The following TLL1 variants were observed in gnomAD, a reference collection of about 807,000 sequenced individuals.
TLL1 encodes tolloid like 1.
TLL1 carries 49 observed loss-of-function variants against 128.2 expected under a neutral mutation model. The observed-to-expected ratio is 0.38, with a 90% confidence interval of 0.30 to 0.48. The LOEUF is 0.48. TLL1 is among the 20% of genes least tolerant of loss of function. TLL1 has a pLI of 0.96. For synonymous variants in TLL1, 454 were observed against 418.8 expected, an observed-to-expected ratio of 1.08 and a Z score of -1.03; for missense variants, 1,123 against 1,242.0, an observed-to-expected ratio of 0.90 and a Z score of 1.44.
At chr4:165,878,348 C>T (rs1212132590) in intron 1 of TLL1, among the ~76,000 whole-genome samples, 1 of 151,700 alleles carries the variant, frequency 6.6e-6, no homozygotes, top group Non-Finnish European at 1.5e-5. Flanking sequence ...TTTTAGTTTT[C>T]GTTTCCTCAG....
At chr4:165,978,163 T>A (rs1038892894) in intron 1 of TLL1, among the ~76,000 whole-genome samples, 4 of 152,170 alleles carry the variant, frequency 2.6e-5, no homozygotes, top group Admixed American at 1.3e-4. Flanking sequence ...ACTCAGATTC[T>A]GCCTCAACCC....
intron 1 of TLL1, among the ~76,000 whole-genome samples, chr4:165,925,434 T>G (rs72697344): frequency 0.11 from 16,468 of 152,182 alleles, 989 homozygotes; most frequent in East Asian, 0.17. Flanking sequence ...TGGAAATAGT[T>G]AGAGAACTAG....
At chr4:165,907,954 G>A (rs1358486381) in intron 1 of TLL1, among the ~76,000 whole-genome samples, 10 of 152,152 alleles carry the variant, frequency 6.6e-5, no homozygotes, top group Non-Finnish European at 1.0e-4. Context: ...AACAAACACT[G>A]CTATAGGCCT....
chr4:166,098,531 T>C (rs1321971264), intron 19 of TLL1, among the ~76,000 whole-genome samples: 4 of 152,108 alleles, frequency 2.6e-5, no homozygotes, highest in African/African-American at 9.7e-5. Flanking sequence ...TTAATTTATC[T>C]TTTTTAAAGG....
intron 18 of TLL1, among the ~76,000 whole-genome samples, chr4:166,090,617 T>C (rs1741720938): frequency 6.6e-6 from 1 of 152,056 alleles, no homozygotes; most frequent in African/African-American, 2.4e-5. Flanking sequence ...AATAAACAAA[T>C]ATATAGTGAA....
At chr4:166,089,773 T>G (rs1235551951) in intron 18 of TLL1, among the ~76,000 whole-genome samples, 1 of 152,182 alleles carries the variant, frequency 6.6e-6, no homozygotes, top group African/African-American at 2.4e-5. Flanking sequence ...TTATAATTTT[T>G]TTTATTTCTA....
chr4:165,900,023 G>T (rs1338351397), intron 1 of TLL1, among the ~76,000 whole-genome samples: 1 of 151,330 alleles, frequency 6.6e-6, no homozygotes, highest in Non-Finnish European at 1.5e-5. Context: ...TGTTTTATCA[G>T]GGACTAGGAT....
intron 1 of TLL1, among the ~76,000 whole-genome samples, chr4:165,901,786 A>G (rs1477621347): frequency 6.6e-6 from 1 of 152,188 alleles, no homozygotes; most frequent in African/African-American, 2.4e-5. Flanking sequence ...TGGGAGATCC[A>G]TGGCTCTCTT....
intron 5 of TLL1, among the ~76,000 whole-genome samples, chr4:165,996,592 C>A (rs1736887532): frequency 7.6e-6 from 1 of 131,926 alleles, no homozygotes; most frequent in Non-Finnish European, 1.6e-5. Flanking sequence ...GAGGAAGACT[C>A]CATCTCAAAA....
Position 165,953,261 on chromosome 4 carries a change from T to C in TLL1, c.170-36120T>C, listed in dbSNP as rs1356267890. The stretch of plus-strand genomic sequence containing the variant: ...GTATATAGTATTTGTCCTTTGGTAT[T>C]TATTGTTGTTGTTCGGGTTGTTGCC... On this transcript the variant is annotated intron_variant, in intron 1 of 20. Transcript: ENST00000061240. Among the ~76,000 whole-genome samples the C allele has an allele frequency of 7.2e-5, 11 of 152,108 alleles. No homozygotes were observed. The South Asian group carries it at 2.3e-3, about 32-fold the overall frequency.
At chr4:166,063,148 AAATC>A (rs1455946144) in intron 15 of TLL1, among the ~76,000 whole-genome samples, 17 of 152,200 alleles carry the variant, frequency 1.1e-4, no homozygotes, top group Non-Finnish European at 2.9e-5. Flanking sequence ...TTACAAGAAA[AAATC>A]AAACAACCCC....
chr4:165,948,890 C>G (rs1256861025), intron 1 of TLL1, among the ~76,000 whole-genome samples: 1 of 152,064 alleles, frequency 6.6e-6, no homozygotes, highest in Non-Finnish European at 1.5e-5. Flanking sequence ...AGAGGGAAGA[C>G]TGTGGTAGAC....
intron 1 of TLL1, among the ~76,000 whole-genome samples, chr4:165,912,043 T>G (rs1035870742): frequency 6.6e-6 from 1 of 151,958 alleles, no homozygotes; most frequent in Non-Finnish European, 1.5e-5. Context: ...GCCCGGCTAA[T>G]TTTTTGTATT....
chr4:166,060,199 A>G lies in TLL1; in HGVS notation c.2007+11A>G. The G allele has an allele frequency of 6.2e-7, 1 of 1,613,396 alleles. No homozygotes were observed. On this transcript the variant is annotated intron_variant, in intron 15 of 20. Coordinates refer to ENST00000061240, the MANE Select transcript of TLL1 (RefSeq NM_012464.5). Reference sequence around the variant, plus strand: ...TTGGAAGGCAATGAAGTAAGTGAACAATAACTGTAATTTTTTAAATCATGT... The same window carrying G: ...TTGGAAGGCAATGAAGTAAGTGAACGATAACTGTAATTTTTTAAATCATGT...
intron 1 of TLL1, among the ~76,000 whole-genome samples, chr4:165,885,680 C>T (rs1433777137): frequency 1.3e-5 from 2 of 152,052 alleles, no homozygotes; most frequent in Non-Finnish European, 2.9e-5. Flanking sequence ...GTTAGTGTCA[C>T]ATTACCATCA....
intron 7 of TLL1, among the ~76,000 whole-genome samples, chr4:166,011,355 C>T (rs1737689143): frequency 6.6e-6 from 1 of 151,306 alleles, no homozygotes; most frequent in East Asian, 1.9e-4. Context: ...TAAAATCTTT[C>T]ACTTCTTTGG....
At chr4:166,003,051 G>GTCA in intron 5 of TLL1, among the ~76,000 whole-genome samples, 1 of 152,214 alleles carries the variant, frequency 6.6e-6, no homozygotes, top group East Asian at 1.9e-4. Flanking sequence ...TTAACTATAT[G>GTCA]TCTTAGAAAT....
chr4:166,102,037 G>A lies in TLL1; in HGVS notation c.*1161G>A, dbSNP rs560419075. ...TTGAGCCAACCCACCCGTAGACTAC[G>A]AATGTCTCCCTATGGCTGGTAGCAT... On this transcript the variant is annotated 3_prime_UTR_variant, in exon 21 of 21. Transcript: ENST00000061240. The A allele has an allele frequency of 3.2e-4, 49 of 152,412 alleles. No individual in the cohort carries two copies. Among genetic ancestry groups the A allele is most frequent in the South Asian group, 3.1e-3 (15 of 4,820 alleles). The allele number at this position is 152,412 out of a possible 1,614,324, so 9.4% of individuals were successfully genotyped here.
At chr4:166,084,993 C>T (rs532662026) in intron 18 of TLL1, among the ~76,000 whole-genome samples, 127 of 151,702 alleles carry the variant, frequency 8.4e-4, no homozygotes, top group African/African-American at 2.9e-3. Context: ...TAGAGATTTC[C>T]ACTTACTGGG....
Sources: gnomAD v4.1 joint callset for allele counts (sites outside exome capture counted in the v4.1 genomes callset) on GRCh38, gnomAD v4.1.1 for gene constraint, MANE v1.5 for transcripts, NCBI Gene and HGNC (gene_info 2026-07-23, HGNC 2026-07-21) for gene names.